The following CLSTN2 variants were observed in gnomAD, a reference collection of about 807,000 sequenced individuals.
CLSTN2 encodes calsyntenin 2.
Under a neutral mutation model 101.2 loss-of-function variants are expected in CLSTN2, and 48 were observed. The observed-to-expected ratio is 0.47, with a 90% CI of 0.38 to 0.60. The LOEUF is 0.60. Ranked by LOEUF, CLSTN2 falls within the 20% of genes least tolerant of loss-of-function variation. CLSTN2 has a pLI of 0.00. For missense variants in CLSTN2, 1,160 were observed against 1,238.2 expected (o/e 0.94, Z 0.95); for synonymous variants, 481 against 463.6 (o/e 1.04, Z -0.48).
In CLSTN2 at chr3:140,273,212, G is replaced by C. The variant is rs148485713; in HGVS notation, c.232+97139G>C. Among the ~76,000 whole-genome samples the C allele has an allele frequency of 1.2e-3, 179 of 152,122 alleles. 4 individuals carry two copies. In the East Asian group the frequency reaches 0.033, roughly 28 times the overall value. ...CACAACACATACCGGAACCTGTCGG[G>C]GGGTGGGGGGCAAGGGCAGGGAGAG... On this transcript the variant is annotated intron_variant, in intron 2 of 16. Transcript: ENST00000458420.
chr3:140,489,570 G>A (rs1934300222), intron 8 of CLSTN2, among the ~76,000 whole-genome samples: 1 of 152,060 alleles, frequency 6.6e-6, no homozygotes, highest in Admixed American at 6.5e-5. Flanking sequence ...TGGGGGTAGT[G>A]GAAGGCTTGC....
intron 1 of CLSTN2, among the ~76,000 whole-genome samples, chr3:139,976,994 C>T (rs1009195152): frequency 1.3e-5 from 2 of 152,182 alleles, no homozygotes; most frequent in African/African-American, 4.8e-5. Flanking sequence ...CAGCCAGTTG[C>T]CACCTGGACC....
At chr3:140,155,150 C>T (rs2009934672) in intron 1 of CLSTN2, among the ~76,000 whole-genome samples, 1 of 152,078 alleles carries the variant, frequency 6.6e-6, no homozygotes, top group Non-Finnish European at 1.5e-5. Flanking sequence ...CTGGCAGCTC[C>T]GTGGAAAGGG....
chr3:140,367,940 C>A (rs1314313087), intron 2 of CLSTN2, among the ~76,000 whole-genome samples: 1 of 152,104 alleles, frequency 6.6e-6, no homozygotes, highest in Non-Finnish European at 1.5e-5. Flanking sequence ...TGTCCTGGCC[C>A]AGGAGGAAGC....
chr3:140,279,695 G>A (rs1183622948), intron 2 of CLSTN2, among the ~76,000 whole-genome samples: 3 of 152,190 alleles, frequency 2.0e-5, no homozygotes, highest in Admixed American at 6.5e-5. Flanking sequence ...CGCCTTCTAT[G>A]TCTCTGTGTC....
At chr3:140,259,660 C>T (rs2086633575) in intron 2 of CLSTN2, among the ~76,000 whole-genome samples, 1 of 152,084 alleles carries the variant, frequency 6.6e-6, no homozygotes, top group African/African-American at 2.4e-5. Flanking sequence ...ATCTACCCGA[C>T]AGGCAACTAA....
rs984684310 is a variant in CLSTN2, at chr3:140,566,855, T to A, written c.*602T>A. On this transcript the variant is annotated 3_prime_UTR_variant, in exon 17 of 17. Transcript: ENST00000458420. ...CTAGTTCCCCAGCTTGGAGAGCCTTTCCCCTTGCTTCTTTCTGAGGCCATA... is the reference window on the plus strand; with the variant it reads ...CTAGTTCCCCAGCTTGGAGAGCCTTACCCCTTGCTTCTTTCTGAGGCCATA... The A allele has an allele frequency of 6.5e-6, 1 of 153,672 alleles. No homozygotes were observed. The highest frequency in any genetic ancestry group is 1.4e-5 in the Non-Finnish European group (1 of 69,080). The allele number at this position is 153,672 out of a possible 1,614,324, so 9.5% of individuals were successfully genotyped here.
intron 1 of CLSTN2, among the ~76,000 whole-genome samples, chr3:140,139,210 G>T (rs542162953): frequency 1.3e-5 from 2 of 152,314 alleles, no homozygotes; most frequent in East Asian, 3.9e-4. Context: ...CAGGGCCAGG[G>T]ATCCAGTCTC....
At chr3:140,200,325 C>T (rs1024309935) in intron 2 of CLSTN2, among the ~76,000 whole-genome samples, 1 of 152,096 alleles carries the variant, frequency 6.6e-6, no homozygotes, top group Non-Finnish European at 1.5e-5. Flanking sequence ...GAGAATTTTA[C>T]ATAAGTTTCA....
intron 2 of CLSTN2, among the ~76,000 whole-genome samples, chr3:140,211,398 T>TCACACACACACACACACACA (rs59994883): frequency 0.019 from 2,107 of 113,360 alleles, 45 homozygotes; most frequent in East Asian, 0.045. Context: ...GCTTGGTAAT[T>TCACACACACACACACACACA]CACACACACA....
chr3:140,556,545 G>A lies in CLSTN2; in HGVS notation c.1707G>A (p.Val569=), dbSNP rs201633261. 2 of 1,614,092 alleles carry A rather than the reference G, an allele frequency of 1.2e-6. No homozygotes were observed. The highest frequency in any genetic ancestry group is 2.2e-5 in the East Asian group (1 of 44,874). The change falls in exon 11 of 17, where the codon GTG becomes GTA. Residue 569 remains valine, a synonymous_variant. Transcript: ENST00000458420. The stretch of plus-strand genomic sequence containing the variant: ...TCAACCCCTCGCAGTCCATCCTGGT[G>A]ATGGAAGGTGACGACATTGGGAACA... ...YHFNPSQSIL[V]MEGDDIGNIN...
chr3:140,010,322 G>T (rs975279947), intron 1 of CLSTN2, among the ~76,000 whole-genome samples: 27 of 152,158 alleles, frequency 1.8e-4, no homozygotes, highest in African/African-American at 6.3e-4. Context: ...AATAAGATGA[G>T]AAAATATTGA....
At chr3:140,035,970 A>G (rs1182731158) in intron 1 of CLSTN2, among the ~76,000 whole-genome samples, 1 of 151,796 alleles carries the variant, frequency 6.6e-6, no homozygotes, top group Non-Finnish European at 1.5e-5. Flanking sequence ...CTCAGCTTGG[A>G]CTCCAGCAGG....
chr3:140,282,795 A>T (rs115296381), intron 2 of CLSTN2, among the ~76,000 whole-genome samples: 41 of 152,162 alleles, frequency 2.7e-4, no homozygotes, highest in Non-Finnish European at 4.6e-4. Context: ...AATGACTCAG[A>T]TTTCTCTCAC....
At chr3:140,375,338 T>C (rs931308651) in intron 2 of CLSTN2, among the ~76,000 whole-genome samples, 12 of 152,226 alleles carry the variant, frequency 7.9e-5, no homozygotes, top group African/African-American at 2.9e-4. Context: ...ACTCAGGGGA[T>C]GTTTGCTTGA....
At chr3:140,198,715 G>A (rs1329356876) in intron 2 of CLSTN2, among the ~76,000 whole-genome samples, 1 of 152,170 alleles carries the variant, frequency 6.6e-6, no homozygotes, top group Non-Finnish European at 1.5e-5. Flanking sequence ...AACAGGTGAC[G>A]TTTAGGCCAT....
intron 1 of CLSTN2, among the ~76,000 whole-genome samples, chr3:140,142,626 T>C (rs1240867810): frequency 6.6e-6 from 1 of 152,232 alleles, no homozygotes; most frequent in African/African-American, 2.4e-5. Context: ...TCACATTTCT[T>C]TTCATGTGAC....
chr3:139,961,687 A>G (rs1423115891), intron 1 of CLSTN2, among the ~76,000 whole-genome samples: 1 of 152,224 alleles, frequency 6.6e-6, no homozygotes, highest in Non-Finnish European at 1.5e-5. Context: ...TTAAGGGACA[A>G]GAAAGATTAG....
intron 1 of CLSTN2, among the ~76,000 whole-genome samples, chr3:140,137,561 CTG>C (rs1420028825): frequency 6.6e-6 from 1 of 152,164 alleles, no homozygotes; most frequent in South Asian, 2.1e-4. Context: ...ATGGCAAAGA[CTG>C]TGTCTAGCCC....
Sources: allele counts gnomAD v4.1 joint callset (sites outside exome capture counted in the v4.1 genomes callset), GRCh38; gene constraint gnomAD v4.1.1; transcripts MANE v1.5; gene names NCBI Gene and HGNC (gene_info 2026-07-23, HGNC 2026-07-21).